Variants in TMEM117 observed in about 807,000 individuals in gnomAD.
The protein encoded by TMEM117 is transmembrane protein 117.
A neutral mutation model predicts 52.4 loss-of-function variants in TMEM117; 27 were observed. The ratio of observed to expected loss-of-function variants is 0.51; its 90% CI spans 0.38 to 0.71. TMEM117 has a LOEUF of 0.71. Ranked by LOEUF, TMEM117 falls within the 30% of genes least tolerant of loss-of-function variation. TMEM117 has a pLI of 0.00. For synonymous variants in TMEM117, 215 were observed against 206.3 expected (o/e 1.04, Z -0.36); for missense variants, 556 against 630.5 (o/e 0.88, Z 1.26).
intron 4 of TMEM117, among the ~76,000 whole-genome samples, chr12:44,157,577 T>A (rs1372260464): frequency 2.6e-5 from 4 of 152,050 alleles, no homozygotes; most frequent in African/African-American, 7.2e-5. Context: ...GCAGCCTTTT[T>A]AAAAAAATAA....
At chr12:43,952,641 A>G (rs371286522) in intron 3 of TMEM117, among the ~76,000 whole-genome samples, 1 of 152,308 alleles carries the variant, frequency 6.6e-6, no homozygotes, top group East Asian at 1.9e-4. Flanking sequence ...TTATGGGACT[A>G]TGTAAAAAGA....
chr12:44,280,520 A>G (rs28686896), intron 5 of TMEM117, among the ~76,000 whole-genome samples: 2 of 152,192 alleles, frequency 1.3e-5, no homozygotes, highest in Middle Eastern at 3.4e-3. Flanking sequence ...CCCCTCATAC[A>G]TGGATAAAAA....
chr12:43,900,900 C>T (rs903054061), intron 2 of TMEM117, among the ~76,000 whole-genome samples: 3 of 151,814 alleles, frequency 2.0e-5, no homozygotes, highest in African/African-American at 7.3e-5. Flanking sequence ...TTAAAATCAC[C>T]TACTATTCGA....
chr12:44,104,118 C>T (rs1947911412), intron 3 of TMEM117, among the ~76,000 whole-genome samples: 1 of 151,922 alleles, frequency 6.6e-6, no homozygotes, highest in African/African-American at 2.4e-5. Context: ...TCACTCATTA[C>T]TACTATTTCA....
At chr12:43,861,042 A>C (rs117743091) in intron 2 of TMEM117, among the ~76,000 whole-genome samples, 2 of 152,102 alleles carry the variant, frequency 1.3e-5, no homozygotes, top group African/African-American at 4.8e-5. Context: ...GTGAAGGAAG[A>C]TGCTTTTTAG....
rs145230840 is a variant in TMEM117, at chr12:43,996,459, C to T, written c.410+52117C>T. The stretch of plus-strand genomic sequence containing the variant: ...GAGATCAAGACCACCCTGGATAACA[C>T]GGTGAAACCCTGTCTCTACTAAAAA... On this transcript the variant is annotated intron_variant, in intron 3 of 7. Transcript: ENST00000266534. Among the ~76,000 whole-genome samples the T allele has an allele frequency of 5.8e-3, 878 of 152,078 alleles. 4 individuals carry two copies. Among genetic ancestry groups the T allele is most frequent in the Non-Finnish European group, 9.8e-3 (663 of 67,974 alleles).
At chr12:44,221,651 T>G (rs1378790219) in intron 5 of TMEM117, among the ~76,000 whole-genome samples, 1 of 152,090 alleles carries the variant, frequency 6.6e-6, no homozygotes, top group Non-Finnish European at 1.5e-5. Context: ...GAACTCAGTC[T>G]TATTTGGTTA....
intron 2 of TMEM117, among the ~76,000 whole-genome samples, chr12:43,872,078 A>C (rs1026389835): frequency 2.0e-5 from 3 of 152,054 alleles, no homozygotes; most frequent in Middle Eastern, 3.4e-3. Context: ...TTTACTTTTT[A>C]ATTTGTAGAG....
At chr12:44,086,808 C>G (rs745450238) in intron 3 of TMEM117, among the ~76,000 whole-genome samples, 2 of 151,922 alleles carry the variant, frequency 1.3e-5, no homozygotes, top group African/African-American at 2.4e-5. Flanking sequence ...ACATGAGGTC[C>G]AACAATACTT....
intron 5 of TMEM117, among the ~76,000 whole-genome samples, chr12:44,254,660 A>T (rs908309273): frequency 1.6e-4 from 24 of 151,920 alleles, no homozygotes; most frequent in African/African-American, 5.5e-4. Flanking sequence ...ATATATATAT[A>T]TATATTTTTT....
intron 5 of TMEM117, among the ~76,000 whole-genome samples, chr12:44,250,947 A>C (rs990796300): frequency 6.6e-6 from 1 of 152,180 alleles, no homozygotes; most frequent in Admixed American, 6.5e-5. Context: ...TGGCACATGT[A>C]TACCTATGTA....
chr12:43,795,906 G>A, the TMEM117 span: 1 of 682,928 alleles, frequency 1.5e-6, no homozygotes, highest in East Asian at 2.7e-5. Flanking sequence ...TTCTTTTGGG[G>A]GAAGGGGCTA....
intron 2 of TMEM117, among the ~76,000 whole-genome samples, chr12:43,914,079 C>T (rs1027119983): frequency 2.6e-5 from 4 of 152,092 alleles, no homozygotes; most frequent in African/African-American, 9.7e-5. Flanking sequence ...CAAAGTATCA[C>T]AGGAGAAGTC....
chr12:44,243,402 A>G (rs1355537664), intron 5 of TMEM117, among the ~76,000 whole-genome samples: 1 of 151,854 alleles, frequency 6.6e-6, no homozygotes, highest in Non-Finnish European at 1.5e-5. Flanking sequence ...GAGTTTACAC[A>G]CTCCTGAAAA....
intron 3 of TMEM117, among the ~76,000 whole-genome samples, chr12:44,090,273 C>A (rs1947640543): frequency 6.6e-6 from 1 of 152,060 alleles, no homozygotes; most frequent in African/African-American, 2.4e-5. Context: ...TATCTTGTCA[C>A]TCAAGTAGTA....
intron 6 of TMEM117, among the ~76,000 whole-genome samples, chr12:44,312,881 A>T (rs79817821): frequency 0.048 from 7,318 of 152,126 alleles, 364 homozygotes; most frequent in African/African-American, 0.12. Context: ...TTTTTTCATA[A>T]GCTTGTTAGC....
At chr12:44,076,717 A>T (rs909930791) in intron 3 of TMEM117, among the ~76,000 whole-genome samples, 47 of 152,336 alleles carry the variant, frequency 3.1e-4, no homozygotes, top group Middle Eastern at 3.4e-3. Flanking sequence ...GCATGGATAA[A>T]CATAGTTGTC....
intron 3 of TMEM117, among the ~76,000 whole-genome samples, chr12:44,090,405 TA>T (rs1346092468): frequency 2.0e-4 from 18 of 92,282 alleles, no homozygotes; most frequent in African/African-American, 1.2e-3. Flanking sequence ...ACTTTTTATT[TA>T]TTTATTTATT....
intron 3 of TMEM117, among the ~76,000 whole-genome samples, chr12:43,972,577 TGCTGATTGGTCCATTTTACAGAGC>T (rs1322858625): frequency 2.0e-5 from 3 of 152,096 alleles, no homozygotes; most frequent in African/African-American, 4.8e-5. Context: ...TTTTACAGAG[TGCTGATTGGTCCATTTTACAGAGC>T]GCTGATTGGT....
Sources: allele counts gnomAD v4.1 joint callset (sites outside exome capture counted in the v4.1 genomes callset), GRCh38; gene constraint gnomAD v4.1.1; transcripts MANE v1.5; gene names NCBI Gene and HGNC (gene_info 2026-07-23, HGNC 2026-07-21).